RYR3: variants seen among roughly 807,000 people sequenced by gnomAD.
The protein encoded by RYR3 is ryanodine receptor 3.
A neutral mutation model predicts 584.3 loss-of-function variants in RYR3; 207 were observed. The ratio of observed to expected loss-of-function variants is 0.35; its 90% confidence interval spans 0.32 to 0.40. The LOEUF (loss-of-function observed/expected upper bound fraction) is 0.40. RYR3 is among the 10% of genes least tolerant of loss of function. RYR3 has a pLI of 1.00. For missense variants in RYR3, 5,616 were observed against 6,089.2 expected (o/e 0.92, Z 2.59); for synonymous variants, 2,416 against 2,248.5 (o/e 1.07, Z -2.11).
Position 33,739,844 on chromosome 15 carries a change from G to A in RYR3, c.7669G>A (p.Asp2557Asn), listed in dbSNP as rs369031564. Residue 2557 changes from aspartate (D) to asparagine (N), a missense_variant, in exon 51 of 104, where the codon GAT becomes AAT. Physicochemically the swap from Asp to Asn is conservative, Grantham distance 23. Around this residue, in one of 9 missense-constraint regions of RYR3, gnomAD observed 1,280 missense variants for 1,426.2 expected, o/e 0.90. Transcript: ENST00000634891. The part of the protein sequence containing the change: ...DSLSHKKYDP[D>N]LFRMALPCLS... Reference sequence around the variant, plus strand: ...TTTTCCCTCACAGAAATATGACCCAGATCTTTTCCGAATGGCCCTGCCTTG... The same window carrying A: ...TTTTCCCTCACAGAAATATGACCCAAATCTTTTCCGAATGGCCCTGCCTTG... 1 of 1,613,314 alleles carries A rather than the reference G, an allele frequency of 6.2e-7. No individual in the cohort carries two copies. Among genetic ancestry groups the A allele is most frequent in the African/African-American group, 1.3e-5 (1 of 74,844 alleles).
intron 19 of RYR3, among the ~76,000 whole-genome samples, chr15:33,620,470 T>A (rs1420095539): frequency 6.6e-6 from 1 of 152,224 alleles, no homozygotes; most frequent in African/African-American, 2.4e-5. Flanking sequence ...ACTCAGCACT[T>A]CACTTTAGGA....
At chr15:33,720,895 T>C (rs1374658670) in intron 43 of RYR3, among the ~76,000 whole-genome samples, 1 of 151,972 alleles carries the variant, frequency 6.6e-6, no homozygotes, top group Non-Finnish European at 1.5e-5. Flanking sequence ...AATGCTTTAC[T>C]CACAACACTT....
chr15:33,486,383 G>A (rs946956571), intron 2 of RYR3, among the ~76,000 whole-genome samples: 9 of 151,982 alleles, frequency 5.9e-5, no homozygotes, highest in African/African-American at 2.2e-4. Flanking sequence ...CCATCTTTAC[G>A]TGGCTTTTTT....
chr15:33,633,531 T>G (rs2152638345), intron 24 of RYR3, among the ~76,000 whole-genome samples: 1 of 152,332 alleles, frequency 6.6e-6, no homozygotes, highest in Middle Eastern at 3.4e-3. Flanking sequence ...CACACCTCTT[T>G]CCTTGAGATG....
Position 33,580,002 on chromosome 15 carries a change from T to A in RYR3, c.1295T>A (p.Ile432Asn). 2 of 1,612,496 alleles carry A rather than the reference T, an allele frequency of 1.2e-6. No individual in the cohort carries two copies. The highest frequency in any genetic ancestry group is 1.7e-6 in the Non-Finnish European group (2 of 1,179,204). The change falls in exon 13 of 104, where the codon ATC becomes AAC. Residue 432 changes from isoleucine (I) to asparagine (N), a missense_variant. Transcript: ENST00000634891. Reference sequence around the variant, plus strand: ...GGAAACAATCGCACAGCTGCCCCCATCACCCTGCCTATAGAAGAAGTCCTG... The same window carrying A: ...GGAAACAATCGCACAGCTGCCCCCAACACCCTGCCTATAGAAGAAGTCCTG... ...VSGNNRTAAP[I>N]TLPIEEVLQT...
intron 2 of RYR3, among the ~76,000 whole-genome samples, chr15:33,495,640 T>A (rs1194861080): frequency 6.6e-6 from 1 of 152,210 alleles, no homozygotes; most frequent in Admixed American, 6.5e-5. Flanking sequence ...GTATTTCAAT[T>A]GACTCACCTC....
Position 33,527,880 on chromosome 15 carries a change from G to A in RYR3, c.280-2712G>A, listed in dbSNP as rs554524624. On this transcript the variant is annotated intron_variant, in intron 3 of 103. Coordinates refer to ENST00000634891, the MANE Select transcript of RYR3 (RefSeq NM_001036.6). ...GATTAACAAAACCCTGGTGAGACCTGGTGGCAATAGAATGGACTAGACTGG... is the reference window on the plus strand; with the variant it reads ...GATTAACAAAACCCTGGTGAGACCTAGTGGCAATAGAATGGACTAGACTGG... Among the ~76,000 whole-genome samples, 5 of 152,290 alleles carry A rather than the reference G, an allele frequency of 3.3e-5. No homozygotes were observed. In the South Asian group the frequency reaches 1.0e-3, roughly 32 times the overall value.
chr15:33,584,454 C>T lies in RYR3; in HGVS notation c.1633C>T (p.Leu545Phe). The change falls in exon 15 of 104, where the codon CTC becomes TTC. Residue 545 changes from leucine to phenylalanine, a missense_variant. This residue lies in a region of RYR3 where 1,284 missense variants were observed against 1,344.6 expected (regional missense o/e 0.95). Transcript: ENST00000634891. ...CAQFSNNLDWLISKLDRLESS... is the reference protein window; with the variant it reads ...CAQFSNNLDWFISKLDRLESS... ...TCAATTCTCCAATAACCTTGATTGG[C>T]TCATCAGTAAATTGGACAGACTAGA... 1.2e-6 allele frequency: 2 copies of T among 1,601,584 alleles called. No individual in the cohort carries two copies. The highest frequency in any genetic ancestry group is 1.7e-6 in the Non-Finnish European group (2 of 1,169,610).
chr15:33,464,324 A>G (rs1251081537), intron 1 of RYR3, among the ~76,000 whole-genome samples: 2 of 151,494 alleles, frequency 1.3e-5, no homozygotes, highest in Non-Finnish European at 2.9e-5. Flanking sequence ...GGGGAAGCAC[A>G]TCCTGCATGA....
chr15:33,863,492 G>C (rs1889274649), intron 102 of RYR3, among the ~76,000 whole-genome samples: 2 of 152,134 alleles, frequency 1.3e-5, no homozygotes, highest in African/African-American at 4.8e-5. Context: ...GGAAGGGCAA[G>C]AGCCTGGTTC....
intron 38 of RYR3, among the ~76,000 whole-genome samples, chr15:33,679,042 C>T (rs779704359): frequency 1.3e-5 from 2 of 152,100 alleles, no homozygotes; most frequent in Non-Finnish European, 2.9e-5. Flanking sequence ...TAACTTTTTC[C>T]CTGACCTTCT....
rs770836948 is a variant in RYR3, at chr15:33,838,853, C to G, written c.12873C>G (p.Ser4291Arg). The G allele has an allele frequency of 6.2e-7, 1 of 1,613,816 alleles. No individual in the cohort carries two copies. Among genetic ancestry groups the G allele is most frequent in the African/African-American group, 1.3e-5 (1 of 74,898 alleles). Residue 4291 changes from serine to arginine, a missense_variant, in exon 89 of 104, where the codon AGC (serine) becomes AGG (arginine). By Grantham distance (110) the Ser-to-Arg change is moderately radical (BLOSUM62 -1). This residue lies in a region of RYR3 where 918 missense variants were observed against 887.4 expected (regional missense o/e 1.03). Transcript: ENST00000634891. ...LFGLHPKKEG[S>R]LKHGPEVGLG... ...GACTCCACCCAAAGAAAGAGGGCAG[C>G]TTAAAGCATGGGCCTGAAGTGGGTT...
At chr15:33,637,977 G>A (rs998035978) in intron 27 of RYR3, among the ~76,000 whole-genome samples, 4 of 151,564 alleles carry the variant, frequency 2.6e-5, no homozygotes, top group East Asian at 1.9e-4. Flanking sequence ...AACAGGCCCC[G>A]GTGTGTGATG....
At chr15:33,672,204 T>A (rs1270919116) in intron 38 of RYR3, among the ~76,000 whole-genome samples, 2 of 121,890 alleles carry the variant, frequency 1.6e-5, no homozygotes, top group African/African-American at 7.0e-5. Context: ...GTAAATGGAG[T>A]CAGTCAGATG....
intron 62 of RYR3, among the ~76,000 whole-genome samples, chr15:33,769,486 G>A (rs2073390908): frequency 6.6e-6 from 1 of 152,148 alleles, no homozygotes; most frequent in Non-Finnish European, 1.5e-5. Flanking sequence ...AAATGTTATG[G>A]GAAAGATGAA....
chr15:33,631,372 C>T lies in RYR3; in HGVS notation c.2867+79C>T, dbSNP rs1242458474. 6.7e-6 allele frequency: 6 copies of T among 899,560 alleles called. No individual in the cohort carries two copies. The East Asian group carries it at 1.3e-4, about 20-fold the overall frequency. 55.7% of individuals were successfully genotyped at this position (899,560 alleles called of 1,614,324 possible). A position where few individuals can be genotyped will look rare whatever the true frequency, so the allele number is the denominator to read the frequency against. On this transcript the variant is annotated intron_variant, in intron 23 of 103. Transcript: ENST00000634891. ...TTAATCCAGGAGGGTGGTACCAAGA[C>T]AGACAACAGCCCACATAGTTGCTAG...
intron 1 of RYR3, among the ~76,000 whole-genome samples, chr15:33,420,663 C>A (rs2044174478): frequency 6.9e-6 from 1 of 145,678 alleles, no homozygotes; most frequent in South Asian, 2.3e-4. Flanking sequence ...ATGTTCTTTT[C>A]CTTCGATTTT....
chr15:33,828,806 A>G (rs190488012), intron 85 of RYR3, among the ~76,000 whole-genome samples: 45 of 152,390 alleles, frequency 3.0e-4, no homozygotes, highest in Admixed American at 2.7e-3. Context: ...CAAGTTACCC[A>G]GAAGATCTAT....
At chr15:33,476,245 T>C (rs1258154501) in intron 2 of RYR3, among the ~76,000 whole-genome samples, 2 of 152,234 alleles carry the variant, frequency 1.3e-5, no homozygotes, top group African/African-American at 4.8e-5. Context: ...TGTGTTGTAA[T>C]CTGAGAATGC....
Sources: gnomAD v4.1 joint callset for allele counts (sites outside exome capture counted in the v4.1 genomes callset) on GRCh38, gnomAD v4.1.1 for gene constraint, gnomAD v4.1.1 regional missense constraint, MANE v1.5 for transcripts, NCBI Gene and HGNC (gene_info 2026-07-23, HGNC 2026-07-21) for gene names.